The following CXADR variants were observed in gnomAD, a reference collection of about 807,000 sequenced individuals.
CXADR encodes the protein coxsackievirus and adenovirus receptor.
In CXADR, 20 loss-of-function variants were observed where a neutral mutation model predicts 40.3. That is an observed-to-expected ratio of 0.50 (90% CI 0.35 to 0.72). The LOEUF is 0.72. CXADR is among the 30% of genes least tolerant of loss of function. CXADR has a pLI of 0.01. For missense variants in CXADR, 332 were observed against 449.1 expected, an observed-to-expected ratio of 0.74 and a Z score of 2.36; for synonymous variants, 150 against 161.3, an observed-to-expected ratio of 0.93 and a Z score of 0.53.
chr21:17,628,422 T>C, the CXADR span, among the ~76,000 whole-genome samples: 6 of 152,094 alleles, frequency 3.9e-5, no homozygotes, highest in African/African-American at 1.4e-4. Context: ...GTAGTTCCAG[T>C]CCCATTGCCG....
the CXADR span, among the ~76,000 whole-genome samples, chr21:17,625,740 A>C: frequency 6.6e-6 from 1 of 152,256 alleles, no homozygotes; most frequent in African/African-American, 2.4e-5. Context: ...TCTCTTATAC[A>C]TTTCCTCGTT....
the CXADR span, among the ~76,000 whole-genome samples, chr21:17,636,142 C>T: frequency 5.3e-4 from 80 of 152,066 alleles, 1 homozygote; most frequent in Admixed American, 2.3e-3. Context: ...GACTTTGTAC[C>T]CTGCCACTGA....
chr21:17,629,267 C>T, the CXADR span, among the ~76,000 whole-genome samples: 1 of 151,634 alleles, frequency 6.6e-6, no homozygotes, highest in Non-Finnish European at 1.5e-5. Context: ...GTAGTCCCAG[C>T]TGCTCAGGAG....
At chr21:17,605,247 A>G in the CXADR span, 2 of 320,560 alleles carry the variant, frequency 6.2e-6, no homozygotes, top group South Asian at 7.5e-5. Flanking sequence ...CAGTCTACCC[A>G]GAGACTTGAC....
At chr21:17,524,711 A>T (rs2060577019) in intron 1 of CXADR, among the ~76,000 whole-genome samples, 1 of 151,708 alleles carries the variant, frequency 6.6e-6, no homozygotes, top group South Asian at 2.1e-4. Context: ...ACATAACAAG[A>T]CCTCATCTCT....
rs2061229284 is a variant in CXADR at position 17,567,735 on chromosome 21, T to C, written c.*2043T>C. Reference sequence around the variant, plus strand: ...TTTATAAAATATTATAAAAAATAAGTAAATAAACAGAACATTAATAATAAA... The same window carrying C: ...TTTATAAAATATTATAAAAAATAAGCAAATAAACAGAACATTAATAATAAA... On this transcript the variant is annotated 3_prime_UTR_variant, in exon 7 of 7. Transcript: ENST00000284878. 2.4e-6 allele frequency: 2 copies of C among 839,884 alleles called. No individual in the cohort carries two copies. The highest frequency in any genetic ancestry group is 5.5e-5 in the South Asian group (1 of 18,300). The allele number at this position is 839,884 out of a possible 1,614,324, so 52.0% of individuals were successfully genotyped here.
At chr21:17,532,259 T>C (rs2060688104) in intron 1 of CXADR, among the ~76,000 whole-genome samples, 2 of 152,186 alleles carry the variant, frequency 1.3e-5, no homozygotes, top group South Asian at 4.1e-4. Flanking sequence ...TCATTCTTTT[T>C]TGAGGGCTTG....
At chr21:17,537,027 G>A (rs2060767554) in intron 1 of CXADR, among the ~76,000 whole-genome samples, 2 of 152,156 alleles carry the variant, frequency 1.3e-5, no homozygotes, top group Admixed American at 1.3e-4. Flanking sequence ...CAAAGTGCTG[G>A]GATTACAGGC....
chr21:17,593,101 TG>T, intron 7 of CXADR: 1 of 1,297,212 alleles, frequency 7.7e-7, no homozygotes, highest in Non-Finnish European at 9.9e-7. Context: ...AATTTACCTT[TG>T]GAGAAAAATC....
chr21:17,533,146 C>T (rs2060699698), intron 1 of CXADR, among the ~76,000 whole-genome samples: 1 of 152,180 alleles, frequency 6.6e-6, no homozygotes, highest in Non-Finnish European at 1.5e-5. Context: ...TTCAACACCC[C>T]TAATTTACAT....
chr21:17,563,337 C>T (rs779865246), intron 6 of CXADR, among the ~76,000 whole-genome samples: 15 of 151,346 alleles, frequency 9.9e-5, no homozygotes, highest in Non-Finnish European at 1.9e-4. Context: ...TACTTGAACA[C>T]TTAGAGGTCA....
intron 1 of CXADR, among the ~76,000 whole-genome samples, chr21:17,524,839 G>GTCA: frequency 6.6e-6 from 1 of 152,108 alleles, no homozygotes; most frequent in Non-Finnish European, 1.5e-5. Flanking sequence ...AGCCCAGGAG[G>GTCA]TCAAGGCTGC....
Position 17,513,063 on chromosome 21 carries a change from CG to C in CXADR, c.-63del. 1.5e-6 allele frequency: 2 copies of C among 1,304,060 alleles called. No individual in the cohort carries two copies. The highest frequency in any genetic ancestry group is 2.0e-6 in the Non-Finnish European group (2 of 1,017,748). 80.8% of individuals were successfully genotyped at this position (1,304,060 alleles called of 1,614,324 possible). A position where few individuals can be genotyped will look rare whatever the true frequency, so the allele number is the denominator to read the frequency against. ...GAGCCAGTCGGGAGCGCGCGAGGCG[CG>C]GGGAGCCTGGGACCAGGAGCGAGAG... On this transcript the variant is annotated 5_prime_UTR_variant, in exon 1 of 7. Transcript: ENST00000284878.
At chr21:17,576,674 T>C (rs2061324378) in intron 7 of CXADR, 1 of 152,172 alleles carries the variant, frequency 6.6e-6, no homozygotes, top group Admixed American at 6.5e-5. Context: ...GATTTATGGT[T>C]ACCCTGCCTT....
intron 1 of CXADR, among the ~76,000 whole-genome samples, chr21:17,517,218 C>A (rs1044751970): frequency 4.5e-4 from 68 of 152,208 alleles, no homozygotes; most frequent in African/African-American, 1.6e-3. Context: ...TATAGCAAAA[C>A]GTAAGCTTCT....
intron 2 of CXADR, among the ~76,000 whole-genome samples, chr21:17,550,002 T>A (rs772802235): frequency 6.6e-6 from 1 of 152,182 alleles, no homozygotes; most frequent in Non-Finnish European, 1.5e-5. Flanking sequence ...GTCAACTACT[T>A]CTTTTATTTA....
chr21:17,547,124 C>CGAA lies in CXADR; in HGVS notation c.144_146dup (p.Glu48dup), dbSNP rs2060908084. 1 of 1,614,000 alleles carries CGAA rather than the reference C, an allele frequency of 6.2e-7. No homozygotes were observed. Among genetic ancestry groups the CGAA allele is most frequent in the Non-Finnish European group, 8.5e-7 (1 of 1,180,026 alleles). ...TGCCATGCAAATTTACGCTTAGTCC[C>CGAA]GAAGACCAGGGACCGCTGGACATCG... On this transcript the variant is annotated inframe_insertion, in exon 2 of 7. Coordinates refer to ENST00000284878, the MANE Select transcript of CXADR (RefSeq NM_001338.5).
At chr21:17,525,424 C>T (rs1436103126) in intron 1 of CXADR, among the ~76,000 whole-genome samples, 1 of 152,154 alleles carries the variant, frequency 6.6e-6, no homozygotes, top group Non-Finnish European at 1.5e-5. Context: ...GTTTGAAGTC[C>T]TCTCAAGGAA....
chr21:17,627,791 T>A, the CXADR span, among the ~76,000 whole-genome samples: 2 of 152,162 alleles, frequency 1.3e-5, no homozygotes, highest in African/African-American at 4.8e-5. Flanking sequence ...GCCAGTGAGA[T>A]GCCAGATTAG....
Sources: allele counts gnomAD v4.1 joint callset (sites outside exome capture counted in the v4.1 genomes callset), GRCh38; gene constraint gnomAD v4.1.1; transcripts MANE v1.5; gene names NCBI Gene and HGNC (gene_info 2026-07-23, HGNC 2026-07-21).